The following AGRN variants were observed in gnomAD, a reference collection of about 807,000 sequenced individuals.
AGRN encodes agrin proteoglycan.
AGRN carries 106 observed loss-of-function variants against 211.0 expected under a neutral mutation model. The ratio of observed to expected loss-of-function variants is 0.50; its 90% CI spans 0.43 to 0.59. AGRN has a LOEUF of 0.59. Among genes scored for constraint, AGRN ranks in the 20% least tolerant of loss-of-function variants. The pLI, the probability that AGRN is intolerant of heterozygous loss-of-function variation, is 0.00. For synonymous variants in AGRN, 1,525 were observed against 1,332.5 expected, an observed-to-expected ratio of 1.14 and a Z score of -3.15; for missense variants, 3,040 against 2,982.6, an observed-to-expected ratio of 1.02 and a Z score of -0.45.
intron 33 of AGRN, chr1:1,052,498 C>T (rs747632160): frequency 8.4e-5 from 21 of 249,144 alleles, no homozygotes; most frequent in Non-Finnish European, 1.4e-4. Flanking sequence ...ATGAGGGAGA[C>T]ATGCAGGTAT....
At position 1,020,393 on chromosome 1, in the gene AGRN, G is replaced by A. The variant is rs1418493263; in HGVS notation, c.201+20G>A. 2 of 1,489,570 alleles carry A rather than the reference G, an allele frequency of 1.3e-6. No homozygotes were observed. Among genetic ancestry groups the A allele is most frequent in the Non-Finnish European group, 1.8e-6 (2 of 1,118,576 alleles). 92.3% of individuals were successfully genotyped at this position (1,489,570 alleles called of 1,614,324 possible). A position where few individuals can be genotyped will look rare whatever the true frequency, so the allele number is the denominator to read the frequency against. On this transcript the variant is annotated intron_variant, in intron 1 of 35. Transcript: ENST00000379370. ...TGCAAGGTGCGCCCACCCGGACCCC[G>A]GCCTCCCCTCGCGACGCCTGCCGCC...
At chr1:1,034,746 C>T (rs1455461944) in intron 2 of AGRN, 1 of 1,006,538 alleles carries the variant, frequency 9.9e-7, no homozygotes, top group Non-Finnish European at 1.2e-6. Flanking sequence ...CAAGCCCCAA[C>T]CCCGAGGCCC....
chr1:1,021,493 C>T (rs1210807265), intron 1 of AGRN, among the ~76,000 whole-genome samples: 2 of 152,258 alleles, frequency 1.3e-5, no homozygotes, highest in African/African-American at 4.8e-5. Flanking sequence ...TCCGGCAGCC[C>T]CAGCCCCCCA....
rs1410588197 is a variant in AGRN at position 1,045,161 on chromosome 1, G to T, written c.2255G>T (p.Gly752Val). Reference protein sequence around the residue: ...LYVAAQGACRGPTFAPLPPVA... With the variant: ...LYVAAQGACRVPTFAPLPPVA... ...CTGAGTCCCGTACCCTTTCCTGCAGGCCCCACCTTCGCCCCGCTGCCGCCT... is the reference window on the plus strand; with the variant it reads ...CTGAGTCCCGTACCCTTTCCTGCAGTCCCCACCTTCGCCCCGCTGCCGCCT... Residue 752 changes from glycine (G) to valine (V), a missense_variant and splice_region_variant, in exon 13 of 36, where the codon GGC becomes GTC. Physicochemically the swap from Gly to Val is moderately radical, Grantham distance 109. This residue lies in a region of AGRN where 1,498 missense variants were observed against 1,457.8 expected (regional missense o/e 1.03). Transcript: ENST00000379370. The T allele has an allele frequency of 6.2e-7, 1 of 1,612,014 alleles. No individual in the cohort carries two copies.
At chr1:1,040,171 C>T (rs1213791498) in intron 3 of AGRN, among the ~76,000 whole-genome samples, 2 of 152,130 alleles carry the variant, frequency 1.3e-5, no homozygotes, top group Non-Finnish European at 2.9e-5. Context: ...CTGTGCTGGA[C>T]GCTGCAGCAG....
At position 1,048,389 on chromosome 1, in the gene AGRN, G is replaced by C. The variant is rs1282909576; in HGVS notation, c.4105+24G>C. The C allele has an allele frequency of 1.5e-5, 21 of 1,416,864 alleles. No individual in the cohort carries two copies. Among genetic ancestry groups the C allele is most frequent in the Non-Finnish European group, 2.0e-5 (21 of 1,071,334 alleles). 87.8% of individuals were successfully genotyped at this position (1,416,864 alleles called of 1,614,324 possible). A position where few individuals can be genotyped will look rare whatever the true frequency, so the allele number is the denominator to read the frequency against. ...GGGTAAGGATGTCCACTGCAGAGGAGGGCGGGGAGGCAGCAGGGTGGGGGC... is the reference window on the plus strand; with the variant it reads ...GGGTAAGGATGTCCACTGCAGAGGACGGCGGGGAGGCAGCAGGGTGGGGGC... On this transcript the variant is annotated intron_variant, in intron 23 of 35. Coordinates refer to ENST00000379370, the MANE Select transcript of AGRN (RefSeq NM_198576.4). This position sits in a 1 kb window ranked among gnomAD's most constrained non-coding sequence, Gnocchi z 5.9.
At chr1:1,028,409 G>A (rs1294581611) in intron 2 of AGRN, among the ~76,000 whole-genome samples, 2 of 151,926 alleles carry the variant, frequency 1.3e-5, no homozygotes, top group Non-Finnish European at 2.9e-5. Context: ...GTTGGGGTTG[G>A]GGGCACCGAG....
At chr1:1,024,678 C>T (rs1236895239) in intron 2 of AGRN, among the ~76,000 whole-genome samples, 2 of 152,146 alleles carry the variant, frequency 1.3e-5, no homozygotes, top group East Asian at 1.9e-4. Flanking sequence ...GGACTCAGCT[C>T]TACTGAGGAC....
rs752905025 is a variant in AGRN, at chr1:1,054,975, C to T, written c.6132C>T (p.Thr2044=). 3 of 1,548,686 alleles carry T rather than the reference C, an allele frequency of 1.9e-6. No homozygotes were observed. In the Admixed American group the frequency reaches 5.9e-5, roughly 30 times the overall value. ...AGCCAGAGCTGCGGCCCTGCCCCACCCCATGAGCTGGCACCAGAGCCCCGC... is the reference window on the plus strand; with the variant it reads ...AGCCAGAGCTGCGGCCCTGCCCCACTCCATGAGCTGGCACCAGAGCCCCGC... The part of the protein sequence containing the change: ...VTKPELRPCP[T]P Residue 2044 remains threonine (T), a synonymous_variant, in exon 36 of 36, where the codon ACC becomes ACT. Coordinates refer to ENST00000379370, the MANE Select transcript of AGRN (RefSeq NM_198576.4).
rs771197069 is a variant in AGRN, at chr1:1,047,363, G to A, written c.3425G>A (p.Gly1142Asp). Residue 1142 changes from glycine (G) to aspartate (D), a missense_variant, in exon 20 of 36, where the codon GGC becomes GAC. Physicochemically the swap from Gly to Asp is moderately conservative, Grantham distance 94. Coordinates refer to ENST00000379370, the MANE Select transcript of AGRN (RefSeq NM_198576.4). ...KVFQGVLELE[G>D]VEGQELFYTP... is the part of the protein sequence containing the mutation. ...TTCCAGGGCGTCCTGGAGCTGGAGGGCGTCGAGGGCCAGGAGCTGTTCTAC... is the reference window on the plus strand; with the variant it reads ...TTCCAGGGCGTCCTGGAGCTGGAGGACGTCGAGGGCCAGGAGCTGTTCTAC... 6.2e-7 allele frequency: 1 copy of A among 1,609,552 alleles called. No homozygotes were observed. Among genetic ancestry groups the A allele is most frequent in the South Asian group, 1.1e-5 (1 of 90,674 alleles).
Position 1,048,227 on chromosome 1 carries a change from C to T in AGRN, c.3967C>T (p.Pro1323Ser), listed in dbSNP as rs1418859536. 9 of 1,541,638 alleles carry T rather than the reference C, an allele frequency of 5.8e-6. No homozygotes were observed. Among genetic ancestry groups the T allele is most frequent in the African/African-American group, 2.7e-5 (2 of 73,114 alleles). Reference sequence around the variant, plus strand: ...CCCCAGCCGTGTGCCCGGACGTCGGCCCCCGGCCCCCCAGCAGCCTCCAAA... The same window carrying T: ...CCCCAGCCGTGTGCCCGGACGTCGGTCCCCGGCCCCCCAGCAGCCTCCAAA... The part of the protein sequence containing the change: ...TAPSRVPGRR[P>S]PAPQQPPKPC... The change falls in exon 23 of 36, where the codon CCC becomes TCC. Residue 1323 changes from proline (P) to serine (S), a missense_variant. By Grantham distance (74) the Pro-to-Ser change is moderately conservative. Transcript: ENST00000379370. This position sits in a 1 kb window ranked among gnomAD's most constrained non-coding sequence, Gnocchi z 5.9.
In AGRN at chr1:1,041,655, G is replaced by A. The variant is rs1553174827; in HGVS notation, c.1130G>A (p.Arg377Gln). Residue 377 changes from arginine to glutamine, a missense_variant, in exon 6 of 36, where the codon CGG (arginine) becomes CAG (glutamine). Physicochemically the swap from Arg to Gln is conservative, Grantham distance 43 (BLOSUM62 1). This residue lies in a region of AGRN where 1,498 missense variants were observed against 1,457.8 expected (regional missense o/e 1.03). Transcript: ENST00000379370. ...DCVMGRSGAARGLLLQKVRSG... is the reference protein window; with the variant it reads ...DCVMGRSGAAQGLLLQKVRSG... ...GTCATGGGCCGATCGGGGGCCGCCC[G>A]GGGTCTCCTCCTGCAGAAAGTGCGC... 3.1e-6 allele frequency: 5 copies of A among 1,611,050 alleles called. No individual in the cohort carries two copies. In the African/African-American group the frequency reaches 5.3e-5, roughly 17 times the overall value.
At chr1:1,053,225 C>T (rs911200646) in intron 33 of AGRN, 4 of 311,888 alleles carry the variant, frequency 1.3e-5, no homozygotes, top group African/African-American at 3.1e-5. Flanking sequence ...ATGTGGGTGT[C>T]TGTGCCCTCA....
Position 1,045,735 on chromosome 1 carries a change from T to C in AGRN, c.2539T>C (p.Cys847Arg). 1 of 1,613,322 alleles carries C rather than the reference T, an allele frequency of 6.2e-7. No homozygotes were observed. The highest frequency in any genetic ancestry group is 8.5e-7 in the Non-Finnish European group (1 of 1,179,950). The change falls in exon 15 of 36, where the codon TGC (cysteine) becomes CGC (arginine). Residue 847 changes from cysteine (C) to arginine (R), a missense_variant and splice_region_variant. This residue lies in a region of AGRN where 1,498 missense variants were observed against 1,457.8 expected (regional missense o/e 1.03). Transcript: ENST00000379370. ...VTDGRSGCTP[C>R]SCDPQGAVRD... ...TTCCTCCCCGATTTTCCCCAAAGCCTGCAGCTGTGATCCCCAAGGCGCCGT... is the reference window on the plus strand; with the variant it reads ...TTCCTCCCCGATTTTCCCCAAAGCCCGCAGCTGTGATCCCCAAGGCGCCGT...
intron 30 of AGRN, 65 bp downstream of exon 30, chr1:1,050,902 C>T: frequency 6.6e-7 from 1 of 1,526,644 alleles, no homozygotes; most frequent in Non-Finnish European, 8.8e-7. Flanking sequence ...GGCGGCAGCC[C>T]CGCCCCTGCC....
Position 1,054,533 on chromosome 1 carries a change from G to C in AGRN, c.5962G>C (p.Asp1988His). Residue 1988 changes from aspartate to histidine, a missense_variant, in exon 35 of 36, where the codon GAT becomes CAT. Physicochemically the swap from Asp to His is moderately conservative, Grantham distance 81. Coordinates refer to ENST00000379370, the MANE Select transcript of AGRN (RefSeq NM_198576.4). The stretch of plus-strand genomic sequence containing the variant: ...GCTGGGCGCCACGCAGCTGGACACT[G>C]ATGGAGCCCTGTGGCTTGGTGAGTG... ...SPLGATQLDT[D>H]GALWLGGLPE... 6.2e-7 allele frequency: 1 copy of C among 1,600,322 alleles called. No homozygotes were observed. The highest frequency in any genetic ancestry group is 8.5e-7 in the Non-Finnish European group (1 of 1,174,620).
chr1:1,052,272 G>T (rs1645317700), intron 33 of AGRN: 4 of 358,122 alleles, frequency 1.1e-5, no homozygotes, highest in South Asian at 8.3e-5. Context: ...ATGCATGCAT[G>T]TCTGTGTCCG....
chr1:1,043,091 G>A (rs527548530), intron 7 of AGRN, 148 bp from the exon 8 acceptor site: 14 of 877,770 alleles, frequency 1.6e-5, no homozygotes, highest in East Asian at 1.1e-4. Context: ...TTTCTCTGCC[G>A]TGTCTGCTGT....
At chr1:1,052,886 G>A (rs914060461) in intron 33 of AGRN, 3 of 159,112 alleles carry the variant, frequency 1.9e-5, no homozygotes, top group African/African-American at 7.2e-5. Context: ...GGAGACAGGT[G>A]TGTGTCCGAG....
Sources: gnomAD v4.1 joint callset for allele counts (sites outside exome capture counted in the v4.1 genomes callset) on GRCh38, gnomAD v4.1.1 for gene constraint, gnomAD v4.1.1 regional missense constraint, Gnocchi (gnomAD v3.1) non-coding constraint, MANE v1.5 for transcripts, NCBI Gene and HGNC (gene_info 2026-07-23, HGNC 2026-07-21) for gene names.